RARA: variants seen among roughly 807,000 people sequenced by gnomAD.
RARA encodes the protein retinoic acid receptor alpha.
Under a neutral mutation model 42.8 loss-of-function variants are expected in RARA, and 5 were observed. The ratio of observed to expected loss-of-function variants is 0.12; its 90% CI spans 0.06 to 0.25. The LOEUF (loss-of-function observed/expected upper bound fraction) is 0.25. RARA is among the 10% of genes least tolerant of loss of function. The probability of loss-of-function intolerance (pLI) is 1.00; values close to 1 mark genes in which losing one functional copy is unlikely to be tolerated. For synonymous variants in RARA, 256 were observed against 259.5 expected, an observed-to-expected ratio of 0.99 and a Z score of 0.13; for missense variants, 402 against 628.7, an observed-to-expected ratio of 0.64 and a Z score of 3.86.
intron 2 of RARA, among the ~76,000 whole-genome samples, chr17:40,339,838 C>T (rs2033976040): frequency 6.6e-6 from 1 of 152,198 alleles, no homozygotes; most frequent in Non-Finnish European, 1.5e-5. Context: ...TCCCTTAGCG[C>T]CTTGCAGCTG....
intron 2 of RARA, among the ~76,000 whole-genome samples, chr17:40,333,262 G>C (rs1015808928): frequency 1.3e-5 from 2 of 152,084 alleles, no homozygotes; most frequent in African/African-American, 2.4e-5. Context: ...ATTGGCCAGG[G>C]TGGTCTTGAA....
At position 40,355,177 on chromosome 17, in the gene RARA, G is replaced by A. The variant is rs2034577178; in HGVS notation, c.1013-86G>A. Reference sequence around the variant, plus strand: ...GCGCCTGCGAGCTGCCCTCCTCCATGGCCTGGGCAGGCACGCCCCCCGGTG... The same window carrying A: ...GCGCCTGCGAGCTGCCCTCCTCCATAGCCTGGGCAGGCACGCCCCCCGGTG... On this transcript the variant is annotated intron_variant, in intron 7 of 8. Coordinates refer to ENST00000254066, the MANE Select transcript of RARA (RefSeq NM_000964.4). The surrounding 1 kb of genome is among the most constrained non-coding windows in gnomAD (Gnocchi z 4.1). The A allele has an allele frequency of 1.4e-6, 2 of 1,469,658 alleles. No individual in the cohort carries two copies. The highest frequency in any genetic ancestry group is 1.8e-6 in the Non-Finnish European group (2 of 1,100,966). 91.0% of individuals were successfully genotyped at this position (1,469,658 alleles called of 1,614,324 possible).
At chr17:40,330,494 C>G (rs776896058) in intron 1 of RARA, among the ~76,000 whole-genome samples, 2 of 152,140 alleles carry the variant, frequency 1.3e-5, no homozygotes, top group South Asian at 4.1e-4. Flanking sequence ...CCCCAGCACA[C>G]GTTCTCTGCA....
intron 2 of RARA, among the ~76,000 whole-genome samples, chr17:40,344,690 G>C (rs913238692): frequency 9.2e-5 from 14 of 152,216 alleles, no homozygotes; most frequent in Non-Finnish European, 1.5e-4. Flanking sequence ...AGTAGACCTA[G>C]AGGCCTGGGT....
chr17:40,357,402 T>C lies in RARA; in HGVS notation c.*1176T>C, dbSNP rs537376620. The C allele has an allele frequency of 1.8e-3, 418 of 233,116 alleles. 3 individuals are homozygous for C. Among genetic ancestry groups the C allele is most frequent in the African/African-American group, 8.6e-3 (387 of 45,206 alleles). 14.4% of individuals were successfully genotyped at this position (233,116 alleles called of 1,614,324 possible). On this transcript the variant is annotated 3_prime_UTR_variant, in exon 9 of 9. Coordinates refer to ENST00000254066, the MANE Select transcript of RARA (RefSeq NM_000964.4). ...CACACACTTGGCCCGAGTTCCTCCA[T>C]TTCCCTGGCCTGCCCCCCACCCCCA... is the stretch of plus-strand genomic sequence containing the variant.
chr17:40,322,719 G>A (rs1395329733), intron 1 of RARA, among the ~76,000 whole-genome samples: 1 of 151,896 alleles, frequency 6.6e-6, no homozygotes, highest in Non-Finnish European at 1.5e-5. Flanking sequence ...GGCAGGAAGT[G>A]GAAAAGAGGG....
chr17:40,333,684 T>C (rs1407351395), intron 2 of RARA, among the ~76,000 whole-genome samples: 1 of 151,916 alleles, frequency 6.6e-6, no homozygotes, highest in Non-Finnish European at 1.5e-5. Flanking sequence ...TCTCCCAGGC[T>C]GGAGTGCAGT....
chr17:40,339,138 C>T (rs529042538), intron 2 of RARA, among the ~76,000 whole-genome samples: 14 of 152,322 alleles, frequency 9.2e-5, no homozygotes, highest in African/African-American at 3.1e-4. Flanking sequence ...TTTCACGTAC[C>T]CAGCAAGGCT....
chr17:40,334,628 C>T (rs1241624536), intron 2 of RARA, among the ~76,000 whole-genome samples: 1 of 152,208 alleles, frequency 6.6e-6, no homozygotes, highest in East Asian at 1.9e-4. Context: ...GAGGGTGAGG[C>T]AGTTCCCAGG....
Position 40,355,318 on chromosome 17 carries a change from G to A in RARA, c.1068G>A (p.Leu356=), listed in dbSNP as rs2143539213. ...TGGACATGCTGCAGGAGCCGCTGCT[G>A]GAGGCGCTAAAGGTCTACGTGCGGA... ...DRVDMLQEPL[L]EALKVYVRKR... is the part of the protein sequence containing the mutation. Residue 356 remains leucine (L), a synonymous_variant, in exon 8 of 9, where the codon CTG becomes CTA. Coordinates refer to ENST00000254066, the MANE Select transcript of RARA (RefSeq NM_000964.4). This position sits in a 1 kb window ranked among gnomAD's most constrained non-coding sequence, Gnocchi z 4.1. 1 of 1,609,258 alleles carries A rather than the reference G, an allele frequency of 6.2e-7. No homozygotes were observed.
intron 3 of RARA, chr17:40,349,479 C>T: frequency 3.2e-6 from 1 of 312,954 alleles, no homozygotes; most frequent in Non-Finnish European, 6.0e-6. Context: ...CCCATGTCTT[C>T]CTATTTCTGA....
chr17:40,318,702 C>G (rs936612704), intron 1 of RARA, among the ~76,000 whole-genome samples: 2 of 152,252 alleles, frequency 1.3e-5, no homozygotes, highest in Admixed American at 1.3e-4. Context: ...GCGTGTCCCC[C>G]GCGCTCGAGC....
At position 40,341,596 on chromosome 17, in the gene RARA, G is replaced by C. The variant is rs867359807; in HGVS notation, c.179-6720G>C. On this transcript the variant is annotated intron_variant, in intron 2 of 8. Transcript: ENST00000254066. ...GAGCCCCGCGGGCGGGCTGGCGAGC[G>C]GGTGATGTCACGGGCAGCGGTGGGT... 1.5e-5 allele frequency: 20 copies of C among 1,361,940 alleles called. No individual in the cohort carries two copies. In the South Asian group the frequency reaches 1.8e-4, roughly 12 times the overall value. 84.4% of individuals were successfully genotyped at this position (1,361,940 alleles called of 1,614,324 possible).
chr17:40,319,797 G>A (rs558826444), intron 1 of RARA, among the ~76,000 whole-genome samples: 153 of 152,108 alleles, frequency 1.0e-3, no homozygotes, highest in African/African-American at 3.4e-3. Context: ...GTGGCTTGGA[G>A]CCTTGGGGCT....
intron 1 of RARA, among the ~76,000 whole-genome samples, chr17:40,328,773 G>A (rs140872469): frequency 0.015 from 2,301 of 152,292 alleles, 29 homozygotes; most frequent in Non-Finnish European, 0.023. Flanking sequence ...GCAGAATAAT[G>A]TTCCATTGTA....
intron 1 of RARA, among the ~76,000 whole-genome samples, chr17:40,323,585 TCTC>T (rs1382468432): frequency 6.6e-6 from 1 of 151,794 alleles, no homozygotes; most frequent in African/African-American, 2.4e-5. Flanking sequence ...CAGGCGCTCT[TCTC>T]TAAGGGGAAG....
At chr17:40,342,017 C>T in intron 2 of RARA, 1 of 1,085,766 alleles carries the variant, frequency 9.2e-7, no homozygotes, top group Non-Finnish European at 1.1e-6. Flanking sequence ...CCGCCTCTCC[C>T]TCTCGGTTCC....
intron 4 of RARA, 97 bp downstream of exon 4, chr17:40,350,022 A>G: frequency 4.6e-6 from 7 of 1,523,548 alleles, no homozygotes; most frequent in African/African-American, 1.4e-5. Flanking sequence ...GTTTGTGCAC[A>G]TGCATGAACA....
At chr17:40,321,368 C>T (rs2033373572) in intron 1 of RARA, among the ~76,000 whole-genome samples, 1 of 151,986 alleles carries the variant, frequency 6.6e-6, no homozygotes, top group Non-Finnish European at 1.5e-5. Flanking sequence ...GGACCGCCTG[C>T]TTGCTTTCCC....
Sources: allele counts gnomAD v4.1 joint callset (sites outside exome capture counted in the v4.1 genomes callset), GRCh38; gene constraint gnomAD v4.1.1; non-coding constraint Gnocchi (gnomAD v3.1); transcripts MANE v1.5; gene names NCBI Gene and HGNC (gene_info 2026-07-23, HGNC 2026-07-21).